ME3: variants seen among roughly 807,000 people sequenced by gnomAD.
ME3 encodes NADP-dependent malic enzyme, mitochondrial.
A neutral mutation model predicts 68.9 loss-of-function variants in ME3; 48 were observed. The ratio of observed to expected loss-of-function variants is 0.70; its 90% CI spans 0.55 to 0.89. The LOEUF is 0.89. Among genes scored for constraint, ME3 ranks in the 40% least tolerant of loss-of-function variants. ME3 has a pLI of 0.00. For synonymous variants in ME3, 320 were observed against 318.8 expected (o/e 1.00, Z -0.04); for missense variants, 675 against 797.4 (o/e 0.85, Z 1.85).
At chr11:86,599,916 C>T (rs1345904628) in intron 2 of ME3, among the ~76,000 whole-genome samples, 1 of 152,052 alleles carries the variant, frequency 6.6e-6, no homozygotes. Flanking sequence ...TTTGTCACCA[C>T]CAAGCCTGCC....
At chr11:86,660,385 G>A (rs957404812) in intron 2 of ME3, among the ~76,000 whole-genome samples, 1 of 152,204 alleles carries the variant, frequency 6.6e-6, no homozygotes, top group Non-Finnish European at 1.5e-5. Context: ...TTTAGGATGT[G>A]CATTAATCAA....
Position 86,508,892 on chromosome 11 carries a change from A to G in ME3, c.468-25T>C, listed in dbSNP as rs781460679. ...ACTAAAAGAAATAAAACACGTACAC[A>G]CAGAGAAACCAGGCAGTCAGATTAG... On this transcript the variant is annotated intron_variant, in intron 4 of 14. Coordinates refer to ENST00000543262, the Ensembl canonical transcript of ME3. 9 of 1,581,254 alleles carry G rather than the reference A, an allele frequency of 5.7e-6. No homozygotes were observed. The South Asian group carries it at 1.0e-4, about 17-fold the overall frequency.
Position 86,543,944 on chromosome 11 carries a change from T to C in ME3, c.467+12609A>G, listed in dbSNP as rs957083837. 1.0e-4 allele frequency among the ~76,000 whole-genome samples: 15 copies of C among 148,926 alleles called. 1 individual carries two copies. Among genetic ancestry groups the C allele is most frequent in the African/African-American group, 3.7e-4 (15 of 40,032 alleles). On this transcript the variant is annotated intron_variant, in intron 4 of 14. Transcript: ENST00000543262. ...AGCAAATGCAAAAGAATGGAAATCA[T>C]AACAAACAGTCTCTCAGACCACAGT...
chr11:86,672,101 G>T, intron 1 of ME3, 143 bp from the exon 2 acceptor site: 1 of 686,400 alleles, frequency 1.5e-6, no homozygotes, highest in Non-Finnish European at 2.1e-6. Flanking sequence ...TCCAGCCCCC[G>T]CCACTCCTCG....
chr11:86,601,804 CCAATA>C (rs1960717825), intron 2 of ME3, among the ~76,000 whole-genome samples: 1 of 151,880 alleles, frequency 6.6e-6, no homozygotes, highest in African/African-American at 2.4e-5. Context: ...TCAATATACA[CCAATA>C]AATAAATGTA....
chr11:86,447,652 G>C (rs548497416), intron 11 of ME3, among the ~76,000 whole-genome samples: 1 of 152,224 alleles, frequency 6.6e-6, no homozygotes, highest in Non-Finnish European at 1.5e-5. Context: ...GAGGTCAGGA[G>C]TTTGAGACCA....
chr11:86,542,779 A>C (rs959462911), intron 4 of ME3, among the ~76,000 whole-genome samples: 2 of 152,230 alleles, frequency 1.3e-5, no homozygotes, highest in Non-Finnish European at 2.9e-5. Flanking sequence ...GCAGGCCAAC[A>C]TTCAAATACA....
chr11:86,672,255 C>G (rs1377875673), intron 1 of ME3, 69 bp downstream of exon 1: 1 of 321,554 alleles, frequency 3.1e-6, no homozygotes, highest in Non-Finnish European at 5.6e-6. Context: ...GGCGACTGCG[C>G]GGCGAGGGGT....
chr11:86,521,181 C>A (rs186507287), intron 4 of ME3, among the ~76,000 whole-genome samples: 4 of 152,086 alleles, frequency 2.6e-5, no homozygotes, highest in Non-Finnish European at 5.9e-5. Context: ...CGCACGAGGT[C>A]AGGAGATTGA....
intron 2 of ME3, among the ~76,000 whole-genome samples, chr11:86,581,720 C>T (rs1958451673): frequency 2.0e-5 from 3 of 152,258 alleles, no homozygotes; most frequent in Non-Finnish European, 4.4e-5. Context: ...AGCTCATCTT[C>T]CTGCATTCCC....
chr11:86,560,702 A>ATGTGTGTG, intron 2 of ME3, among the ~76,000 whole-genome samples: 1 of 54,484 alleles, frequency 1.8e-5, no homozygotes, highest in Non-Finnish European at 4.0e-5. Flanking sequence ...GTATATAATG[A>ATGTGTGTG]TATGTGTGTG....
intron 5 of ME3, among the ~76,000 whole-genome samples, chr11:86,506,026 T>C (rs1012210226): frequency 2.0e-5 from 3 of 152,210 alleles, no homozygotes; most frequent in Admixed American, 6.5e-5. Flanking sequence ...GACTTCGAGC[T>C]CCTTGAGTAT....
At chr11:86,652,309 G>T (rs1432596364) in intron 2 of ME3, among the ~76,000 whole-genome samples, 1 of 152,132 alleles carries the variant, frequency 6.6e-6, no homozygotes, top group Non-Finnish European at 1.5e-5. Context: ...CACCAAAGTT[G>T]AAATGAAGGA....
At chr11:86,669,912 T>G (rs1946814388) in intron 2 of ME3, among the ~76,000 whole-genome samples, 1 of 152,240 alleles carries the variant, frequency 6.6e-6, no homozygotes, top group South Asian at 2.1e-4. Context: ...GGCAATTATT[T>G]TCACAATGAT....
intron 4 of ME3, among the ~76,000 whole-genome samples, chr11:86,547,505 T>A (rs974911622): frequency 6.6e-6 from 1 of 151,898 alleles, no homozygotes; most frequent in Non-Finnish European, 1.5e-5. Flanking sequence ...GGGGGAGTGA[T>A]AGCATTAGGA....
intron 7 of ME3, among the ~76,000 whole-genome samples, chr11:86,474,749 A>T (rs1467986232): frequency 1.3e-5 from 2 of 152,222 alleles, no homozygotes; most frequent in Non-Finnish European, 2.9e-5. Flanking sequence ...TTAAAGTCCA[A>T]GTAAATGTCC....
chr11:86,553,069 A>G (rs995533136), intron 4 of ME3, among the ~76,000 whole-genome samples: 6 of 152,108 alleles, frequency 3.9e-5, no homozygotes, highest in Admixed American at 2.0e-4. Context: ...ACTGACCTTC[A>G]TGGGGCGTTC....
intron 2 of ME3, among the ~76,000 whole-genome samples, chr11:86,590,040 T>C (rs1393150441): frequency 3.9e-5 from 6 of 152,178 alleles, no homozygotes; most frequent in Non-Finnish European, 8.8e-5. Flanking sequence ...TTTATATCTC[T>C]TCTGCTGACT....
intron 2 of ME3, among the ~76,000 whole-genome samples, chr11:86,666,714 A>G (rs936878180): frequency 1.3e-5 from 2 of 152,256 alleles, no homozygotes; most frequent in African/African-American, 4.8e-5. Context: ...TAATATTTAC[A>G]CAATAATCCA....
Sources: allele counts gnomAD v4.1 joint callset (sites outside exome capture counted in the v4.1 genomes callset), GRCh38; gene constraint gnomAD v4.1.1; transcripts MANE v1.5; gene names NCBI Gene and HGNC (gene_info 2026-07-23, HGNC 2026-07-21).